HNF4A: variants seen among roughly 807,000 people sequenced by gnomAD.
The protein encoded by HNF4A is hepatocyte nuclear factor 4 alpha, also known as hepatocyte nuclear factor 4-alpha.
In HNF4A, 15 loss-of-function variants were observed where a neutral mutation model predicts 52.4. That is an observed-to-expected ratio of 0.29 (90% confidence interval 0.19 to 0.44). HNF4A has a LOEUF of 0.44. Among genes scored for constraint, HNF4A ranks in the 20% least tolerant of loss-of-function variants. The pLI is 1.00. For missense variants in HNF4A, 479 were observed against 647.2 expected (o/e 0.74, Z 2.82); for synonymous variants, 280 against 264.4 (o/e 1.06, Z -0.57).
At position 44,424,380 on chromosome 20, in the gene HNF4A, CCTGT is replaced by C. The variant is rs763399029; in HGVS notation, c.1129+131_1129+134del. 2.9e-5 allele frequency: 43 copies of C among 1,470,004 alleles called. No individual in the cohort carries two copies. In the South Asian group the frequency reaches 4.0e-4, roughly 14 times the overall value. The allele number at this position is 1,470,004 out of a possible 1,614,324, so 91.1% of individuals were successfully genotyped here. On this transcript the variant is annotated intron_variant, in intron 8 of 9. Transcript: ENST00000316099. ...GTGCCGCTTTGGGCAAGTTGCTTAACCTGTCTGTGCCTCAGTTTCCTCACCAGAA... is the reference window on the plus strand; with the variant it reads ...GTGCCGCTTTGGGCAAGTTGCTTAACCTGTGCCTCAGTTTCCTCACCAGAA...
At chr20:44,373,838 C>T (rs1043498287) in intron 1 of HNF4A, among the ~76,000 whole-genome samples, 88 of 152,178 alleles carry the variant, frequency 5.8e-4, no homozygotes, top group African/African-American at 2.0e-3. Flanking sequence ...TACAGGCACG[C>T]ACCACCATGC....
intron 1 of HNF4A, among the ~76,000 whole-genome samples, chr20:44,379,914 A>G (rs1231951544): frequency 6.6e-6 from 1 of 152,004 alleles, no homozygotes; most frequent in African/African-American, 2.4e-5. Flanking sequence ...TTGTATTTTT[A>G]GTAGAGATGG....
chr20:44,371,600 A>G (rs1330592708), intron 1 of HNF4A, among the ~76,000 whole-genome samples: 1 of 152,130 alleles, frequency 6.6e-6, no homozygotes, highest in Non-Finnish European at 1.5e-5. Flanking sequence ...GGAGGTGGGC[A>G]GATCACTTGA....
intron 1 of HNF4A, 22 bp from the exon 2 acceptor site, chr20:44,406,036 A>C (rs559599440): frequency 2.5e-6 from 4 of 1,609,220 alleles, no homozygotes; most frequent in Admixed American, 1.7e-5. Flanking sequence ...CTGAAGCCTC[A>C]CTCCCTTCTC....
chr20:44,433,723 A>T (rs1213155611), downstream of HNF4A: 2 of 152,222 alleles, frequency 1.3e-5, no homozygotes, highest in Non-Finnish European at 2.9e-5. Flanking sequence ...CAAGAGATGC[A>T]CTTGAGAATC....
At chr20:44,388,932 TG>T (rs2063268508) in intron 1 of HNF4A, among the ~76,000 whole-genome samples, 2 of 152,214 alleles carry the variant, frequency 1.3e-5, no homozygotes, top group Non-Finnish European at 2.9e-5. Flanking sequence ...AGACATTGGC[TG>T]ACCCGAGGGG....
At chr20:44,368,643 A>G (rs1205493931) in intron 1 of HNF4A, among the ~76,000 whole-genome samples, 1 of 152,162 alleles carries the variant, frequency 6.6e-6, no homozygotes, top group Non-Finnish European at 1.5e-5. Flanking sequence ...GCAAACTGCA[A>G]AAAGTTCCTT....
intron 1 of HNF4A, among the ~76,000 whole-genome samples, chr20:44,364,659 G>A (rs1283933302): frequency 3.3e-5 from 5 of 151,946 alleles, no homozygotes; most frequent in South Asian, 2.1e-4. Flanking sequence ...TACTAGAGAC[G>A]GACTTTCACC....
intron 1 of HNF4A, among the ~76,000 whole-genome samples, chr20:44,394,632 G>A (rs2063336412): frequency 6.6e-6 from 1 of 152,136 alleles, no homozygotes; most frequent in Non-Finnish European, 1.5e-5. Flanking sequence ...TTTGGTAACA[G>A]AGCAAATTTG....
intron 1 of HNF4A, among the ~76,000 whole-genome samples, chr20:44,358,189 T>C (rs1212811600): frequency 6.8e-6 from 1 of 147,578 alleles, no homozygotes; most frequent in Non-Finnish European, 1.5e-5. Flanking sequence ...ATTACCCCTC[T>C]CTGAGCTTCA....
At chr20:44,432,976 A>G (rs2063895658), downstream of HNF4A, 1 of 152,142 alleles carries the variant, frequency 6.6e-6, no homozygotes, top group Middle Eastern at 3.2e-3. Context: ...GATGTGCAGA[A>G]TGTTTTTGTG....
At position 44,401,377 on chromosome 20, in the gene HNF4A, G is replaced by C; in HGVS notation, c.5G>C (p.Arg2Pro). The change falls in exon 1 of 10, where the codon CGA becomes CCA. Residue 2 changes from arginine (R) to proline (P), a missense_variant. Physicochemically the swap from Arg to Pro is moderately radical, Grantham distance 103. Transcript: ENST00000316099. ...CGCGGCGTGGAGGCAGGGAGAATGC[G>C]ACTCTCCAAAACCCTCGTCGACATG... The C allele has an allele frequency of 6.2e-7, 1 of 1,614,104 alleles. No individual in the cohort carries two copies. The highest frequency in any genetic ancestry group is 1.1e-5 in the South Asian group (1 of 91,076).
At chr20:44,418,644 G>A in intron 6 of HNF4A, 132 bp downstream of exon 6, 2 of 700,932 alleles carry the variant, frequency 2.9e-6, no homozygotes, top group East Asian at 2.6e-5. Flanking sequence ...CTGTCCTCAG[G>A]CTTGCATTAG....
intron 3 of HNF4A, 136 bp downstream of exon 3, chr20:44,407,611 G>A: frequency 2.8e-6 from 2 of 723,896 alleles, no homozygotes; most frequent in South Asian, 1.5e-5. Flanking sequence ...GCTGAGAAGA[G>A]GGAGGGCCTG....
At position 44,429,621 on chromosome 20, in the gene HNF4A, T is replaced by TCAAG; in HGVS notation, c.1382_1383insAAGC (p.Ala462SerfsTer46). ...CGTCGCCACAATCGTCAAGCCCCTC[T>TCAAG]CTGCCATCCCCCAGCCGACCATCAC... On this transcript the variant is annotated frameshift_variant, in exon 10 of 10. Transcript: ENST00000316099. LOFTEE classifies it high-confidence loss of function. 6.2e-7 allele frequency: 1 copy of TCAAG among 1,613,792 alleles called. No individual in the cohort carries two copies.
In HNF4A at chr20:44,392,417, C is replaced by T. The variant is rs139896405; in HGVS notation, c.50-13641C>T. 5.6e-4 allele frequency among the ~76,000 whole-genome samples: 86 copies of T among 152,262 alleles called. 1 individual carries two copies. In the East Asian group the frequency reaches 0.016, roughly 29 times the overall value. On this transcript the variant is annotated intron_variant, in intron 1 of 9. Transcript: ENST00000316673. Reference sequence around the variant, plus strand: ...ACAGTGGGTCTCAATATTGGCTGCACAAAAATATAGACGCCTGGCACCTCC... The same window carrying T: ...ACAGTGGGTCTCAATATTGGCTGCATAAAAATATAGACGCCTGGCACCTCC...
chr20:44,405,562 C>T (rs1270100429), intron 1 of HNF4A, among the ~76,000 whole-genome samples: 2 of 152,104 alleles, frequency 1.3e-5, no homozygotes, highest in Non-Finnish European at 2.9e-5. Context: ...TCCTAGGAGG[C>T]CACATGAGTG....
At chr20:44,390,208 TA>T (rs1372561681) in intron 1 of HNF4A, among the ~76,000 whole-genome samples, 1 of 152,078 alleles carries the variant, frequency 6.6e-6, no homozygotes, top group African/African-American at 2.4e-5. Context: ...ACAATGCCAA[TA>T]GGGGGATGGA....
rs41280258 is a variant in HNF4A at position 44,429,820 on chromosome 20, G to A, written c.*155G>A. The A allele has an allele frequency of 0.023, 17,273 of 751,232 alleles. 584 individuals carry two copies. Among genetic ancestry groups the A allele is most frequent in the South Asian group, 0.11 (6,576 of 57,420 alleles). The allele number at this position is 751,232 out of a possible 1,614,324, so 46.5% of individuals were successfully genotyped here. ...AAGGGCCCGAGAACATGGCCTAAGG[G>A]CCACATCCCACTGCCACCCTTGACG... On this transcript the variant is annotated 3_prime_UTR_variant, in exon 10 of 10. Transcript: ENST00000316099.
Sources: allele counts gnomAD v4.1 joint callset (sites outside exome capture counted in the v4.1 genomes callset), GRCh38; gene constraint gnomAD v4.1.1; transcripts MANE v1.5; gene names NCBI Gene and HGNC (gene_info 2026-07-23, HGNC 2026-07-21).